The following IL19 variants were observed in gnomAD, a reference collection of about 807,000 sequenced individuals.
IL19 encodes the protein interleukin 19.
A neutral mutation model predicts 19.5 loss-of-function variants in IL19; 15 were observed. That is an observed-to-expected ratio of 0.77 (90% CI 0.52 to 1.19). The LOEUF (loss-of-function observed/expected upper bound fraction) is 1.19. Among genes scored for constraint, IL19 ranks in the 50% most tolerant of loss-of-function variants. The pLI is 0.00. For synonymous variants in IL19, 78 were observed against 78.3 expected (o/e 1.00, Z 0.02); for missense variants, 199 against 213.1 (o/e 0.93, Z 0.41).
chr1:206,833,010 G>C (rs1676663078), intron 2 of IL19, among the ~76,000 whole-genome samples: 1 of 152,194 alleles, frequency 6.6e-6, no homozygotes, highest in Non-Finnish European at 1.5e-5. Flanking sequence ...GCCCAGTGGG[G>C]TCTCATAATT....
chr1:206,802,543 C>T (rs543008818), intron 2 of IL19, among the ~76,000 whole-genome samples: 2 of 152,262 alleles, frequency 1.3e-5, no homozygotes, highest in African/African-American at 4.8e-5. Flanking sequence ...GTGATGGAGT[C>T]ATGACTTAAA....
intron 1 of IL19, chr1:206,772,531 G>A (rs1674884467): frequency 8.8e-7 from 1 of 1,134,900 alleles, no homozygotes; most frequent in Non-Finnish European, 1.3e-6. Context: ...TATATTGTAA[G>A]CTCAGGGAGG....
At chr1:206,832,137 G>C (rs567350309) in intron 2 of IL19, among the ~76,000 whole-genome samples, 5 of 152,354 alleles carry the variant, frequency 3.3e-5, no homozygotes, top group Admixed American at 1.3e-4. Context: ...AGATTCCCGA[G>C]GTCAAGAGTA....
At chr1:206,829,112 G>C (rs549662275) in intron 2 of IL19, 1 of 147,532 alleles carries the variant, frequency 6.8e-6, no homozygotes, top group Non-Finnish European at 1.5e-5. Flanking sequence ...GCTTCCCAAA[G>C]TGCAGAGATT....
At chr1:206,799,960 C>T (rs1329968912) in intron 2 of IL19, among the ~76,000 whole-genome samples, 1 of 152,184 alleles carries the variant, frequency 6.6e-6, no homozygotes, top group African/African-American at 2.4e-5. Context: ...TCCCACTTAT[C>T]TATAAGCAAG....
chr1:206,841,925 G>A (rs940699520), intron 6 of IL19, among the ~76,000 whole-genome samples: 3 of 152,222 alleles, frequency 2.0e-5, no homozygotes, highest in African/African-American at 7.2e-5. Flanking sequence ...GCACGGCAGA[G>A]GTAGGATTCA....
chr1:206,799,836 T>C (rs1384148341), intron 2 of IL19, among the ~76,000 whole-genome samples: 1 of 152,200 alleles, frequency 6.6e-6, no homozygotes, highest in East Asian at 1.9e-4. Flanking sequence ...GACCCTCTGA[T>C]CAATCCTATG....
chr1:206,777,364 G>C (rs767119427), intron 1 of IL19, among the ~76,000 whole-genome samples: 8 of 146,456 alleles, frequency 5.5e-5, no homozygotes, highest in African/African-American at 7.7e-5. Context: ...CCGAGATCGC[G>C]TCACTGCACT....
Position 206,798,908 on chromosome 1 carries a change from G to C in IL19, c.-101G>C. On this transcript the variant is annotated 5_prime_UTR_variant, in exon 2 of 7. Coordinates refer to ENST00000659997, the MANE Select transcript of IL19 (RefSeq NM_153758.5). Reference sequence around the variant, plus strand: ...AGGAGTCCAAGAATGTGCACTGAGGGAGCGTTTCCGCACAGATCTGCGTGT... The same window carrying C: ...AGGAGTCCAAGAATGTGCACTGAGGCAGCGTTTCCGCACAGATCTGCGTGT... The C allele has an allele frequency of 6.2e-7, 1 of 1,612,746 alleles. No homozygotes were observed.
intron 1 of IL19, among the ~76,000 whole-genome samples, chr1:206,778,384 T>C (rs1362574378): frequency 6.6e-6 from 1 of 152,190 alleles, no homozygotes; most frequent in Non-Finnish European, 1.5e-5. Context: ...TTGTTTCTGC[T>C]CTGTCTGCAT....
intron 1 of IL19, among the ~76,000 whole-genome samples, chr1:206,780,325 C>A (rs1216991474): frequency 6.6e-6 from 1 of 152,206 alleles, no homozygotes; most frequent in Non-Finnish European, 1.5e-5. Flanking sequence ...TGGTTCTGGG[C>A]ACATCCAAGG....
intron 1 of IL19, among the ~76,000 whole-genome samples, chr1:206,776,555 C>A (rs148543949): frequency 3.3e-5 from 5 of 152,176 alleles, no homozygotes; most frequent in Non-Finnish European, 7.4e-5. Flanking sequence ...TCCCCAACAG[C>A]ACTTGGGTTT....
At chr1:206,840,301 A>C (rs763037955) in intron 5 of IL19, 1 of 516,440 alleles carries the variant, frequency 1.9e-6, no homozygotes, top group Non-Finnish European at 3.6e-6. Context: ...TACTGTAAGC[A>C]TACCCCTGGT....
intron 2 of IL19, among the ~76,000 whole-genome samples, chr1:206,812,951 A>G (rs1676051610): frequency 6.6e-6 from 1 of 152,250 alleles, no homozygotes; most frequent in South Asian, 2.1e-4. Flanking sequence ...TCAAACGGAT[A>G]CAATGACTTG....
chr1:206,794,966 G>A (rs954816575), intron 1 of IL19, among the ~76,000 whole-genome samples: 1 of 152,140 alleles, frequency 6.6e-6, no homozygotes, highest in Non-Finnish European at 1.5e-5. Context: ...CAGGATGTGG[G>A]GTCCCAAAAC....
chr1:206,829,717 G>C (rs1676538040), intron 2 of IL19, among the ~76,000 whole-genome samples: 1 of 152,142 alleles, frequency 6.6e-6, no homozygotes. Flanking sequence ...TTCAGGAGAG[G>C]AATGGGGAGG....
intron 1 of IL19, among the ~76,000 whole-genome samples, chr1:206,781,414 C>CAAAAAAAAAAAAAAAAAAAAAA (rs57060549): frequency 6.3e-4 from 27 of 42,994 alleles, no homozygotes; most frequent in Admixed American, 9.5e-4. Context: ...GACTCTGTCT[C>CAAAAAAAAAAAAAAAAAAAAAA]AAAAAAAAAA....
chr1:206,800,338 G>A (rs552781820), intron 2 of IL19, among the ~76,000 whole-genome samples: 2 of 152,218 alleles, frequency 1.3e-5, no homozygotes, highest in Middle Eastern at 3.2e-3. Flanking sequence ...TGGAGGAGTT[G>A]TCTCCCTGGG....
At position 206,797,315 on chromosome 1, in the gene IL19, C is replaced by T. The variant is rs972646901; in HGVS notation, c.-148-1546C>T. Among the ~76,000 whole-genome samples the T allele has an allele frequency of 3.3e-5, 5 of 151,494 alleles. 1 individual carries two copies. The highest frequency in any genetic ancestry group is 2.1e-4 in the South Asian group (1 of 4,800). ...TCTCAGGCAGGAAGGGAATTCATGGCGGAGGGTGGGGTGAGGTGGAGGTCA... is the reference window on the plus strand; with the variant it reads ...TCTCAGGCAGGAAGGGAATTCATGGTGGAGGGTGGGGTGAGGTGGAGGTCA... On this transcript the variant is annotated intron_variant, in intron 1 of 6. Coordinates refer to ENST00000659997, the MANE Select transcript of IL19 (RefSeq NM_153758.5).
Sources: gnomAD v4.1 joint callset for allele counts (sites outside exome capture counted in the v4.1 genomes callset) on GRCh38, gnomAD v4.1.1 for gene constraint, MANE v1.5 for transcripts, NCBI Gene and HGNC (gene_info 2026-07-23, HGNC 2026-07-21) for gene names.